Variants in ZNF503 observed in about 807,000 individuals in gnomAD.
The protein encoded by ZNF503 is zinc finger protein 503, also known as NocA-like zinc finger 2.
Under a neutral mutation model 34.4 loss-of-function variants are expected in ZNF503, and 15 were observed. The observed-to-expected ratio is 0.44, with a 90% confidence interval of 0.29 to 0.67. The LOEUF (loss-of-function observed/expected upper bound fraction) is 0.67. ZNF503 is among the 30% of genes least tolerant of loss of function. The pLI is 0.13. For missense variants in ZNF503, 1,007 were observed against 926.8 expected, an observed-to-expected ratio of 1.09 and a Z score of -1.12; for synonymous variants, 580 against 456.8, an observed-to-expected ratio of 1.27 and a Z score of -3.44.
At chr10:75,378,660 C>T in the ZNF503 span, among the ~76,000 whole-genome samples, 567 of 152,218 alleles carry the variant, frequency 3.7e-3, 4 homozygotes, top group African/African-American at 0.013. Flanking sequence ...GAATAGTGGA[C>T]ACTTTCTGGG....
chr10:75,282,336 CT>C, the ZNF503 span, among the ~76,000 whole-genome samples: 9 of 152,142 alleles, frequency 5.9e-5, no homozygotes, highest in East Asian at 1.5e-3. Context: ...CCTTTTATCC[CT>C]TTTTTTTAAA....
the ZNF503 span, among the ~76,000 whole-genome samples, chr10:75,313,278 C>A: frequency 5.8e-4 from 89 of 152,258 alleles, no homozygotes; most frequent in African/African-American, 2.0e-3. Flanking sequence ...CCAATGGACA[C>A]GTTCCAACAC....
At chr10:75,318,687 A>AT in the ZNF503 span, among the ~76,000 whole-genome samples, 9 of 145,012 alleles carry the variant, frequency 6.2e-5, no homozygotes, top group Admixed American at 2.1e-4. Context: ...AAAAAAAAAA[A>AT]GTAAGATAAT....
At chr10:75,393,467 A>C (rs1843664842), downstream of ZNF503, among the ~76,000 whole-genome samples, 1 of 152,194 alleles carries the variant, frequency 6.6e-6, no homozygotes, top group Non-Finnish European at 1.5e-5. Context: ...GTAGCGAGGA[A>C]ATAAGGTTGC....
chr10:75,369,882 C>G, the ZNF503 span, among the ~76,000 whole-genome samples: 1 of 151,964 alleles, frequency 6.6e-6, no homozygotes, highest in African/African-American at 2.4e-5. Flanking sequence ...GCCTGGCCAA[C>G]ATGGCGAAAC....
rs1228664722 is a variant in ZNF503 at position 75,399,894 on chromosome 10, C to T, written c.796G>A (p.Gly266Ser). ...KDTDVGGGGKGTGGASAEGGP... is the reference protein window; with the variant it reads ...KDTDVGGGGKSTGGASAEGGP... ...CCTTCGGCCGAGGCGCCCCCGGTGC[C>T]CTTGCCACCGCCGCCCACGTCGGTG... Residue 266 changes from glycine (G) to serine (S), a missense_variant, in exon 2 of 2, where the codon GGC becomes AGC. By Grantham distance (56) the Gly-to-Ser change is moderately conservative. Transcript: ENST00000372524. 1.2e-6 allele frequency: 2 copies of T among 1,602,668 alleles called. No individual in the cohort carries two copies. The highest frequency in any genetic ancestry group is 1.1e-5 in the South Asian group (1 of 89,798).
chr10:75,332,639 T>C, the ZNF503 span, among the ~76,000 whole-genome samples: 32 of 146,440 alleles, frequency 2.2e-4, 1 homozygote, highest in East Asian at 5.9e-3. Context: ...GCAGTGTTTG[T>C]GTCCCTGATT....
the ZNF503 span, among the ~76,000 whole-genome samples, chr10:75,385,625 G>A: frequency 1.8e-4 from 27 of 152,336 alleles, no homozygotes; most frequent in Admixed American, 1.2e-3. Context: ...TCCCAGGGGT[G>A]TGCATTTCCA....
the ZNF503 span, among the ~76,000 whole-genome samples, chr10:75,285,730 G>A: frequency 2.6e-5 from 4 of 152,300 alleles, no homozygotes; most frequent in East Asian, 5.8e-4. Flanking sequence ...CTGAAGAGCT[G>A]GTCATTAAGC....
chr10:75,320,015 A>G, the ZNF503 span, among the ~76,000 whole-genome samples: 14 of 152,350 alleles, frequency 9.2e-5, no homozygotes, highest in African/African-American at 3.4e-4. Flanking sequence ...ACTTTAAATA[A>G]CATTAATTCT....
the ZNF503 span, among the ~76,000 whole-genome samples, chr10:75,388,751 A>T: frequency 9.2e-5 from 14 of 152,164 alleles, no homozygotes; most frequent in Non-Finnish European, 1.8e-4. Flanking sequence ...AATGTTACTT[A>T]TTGCAGTTGA....
chr10:75,323,496 C>T, the ZNF503 span, among the ~76,000 whole-genome samples: 4 of 152,230 alleles, frequency 2.6e-5, no homozygotes, highest in South Asian at 6.2e-4. Flanking sequence ...AGGTTTCCAC[C>T]AGCAATATTT....
the ZNF503 span, among the ~76,000 whole-genome samples, chr10:75,355,819 T>C: frequency 8.3e-4 from 126 of 152,366 alleles, 1 homozygote; most frequent in African/African-American, 2.9e-3. Context: ...GGAAGCTTTG[T>C]CTCTGCTCCA....
the ZNF503 span, among the ~76,000 whole-genome samples, chr10:75,331,496 G>A: frequency 1.3e-5 from 2 of 152,124 alleles, no homozygotes; most frequent in South Asian, 2.1e-4. Context: ...GTCACCAAGT[G>A]GGAATGCAGT....
the ZNF503 span, among the ~76,000 whole-genome samples, chr10:75,306,578 C>T: frequency 6.6e-6 from 1 of 151,464 alleles, no homozygotes; most frequent in African/African-American, 2.4e-5. Context: ...ATAGGCATAC[C>T]TCATTTTATT....
At chr10:75,357,437 G>A in the ZNF503 span, among the ~76,000 whole-genome samples, 1 of 152,078 alleles carries the variant, frequency 6.6e-6, no homozygotes, top group African/African-American at 2.4e-5. Context: ...AGGATTGCTT[G>A]AGCCCAGGAG....
chr10:75,338,443 T>A, the ZNF503 span: 1 of 152,240 alleles, frequency 6.6e-6, no homozygotes, highest in East Asian at 1.9e-4. Flanking sequence ...AATATATTAT[T>A]TAAATGACAT....
chr10:75,400,393 G>C lies in ZNF503; in HGVS notation c.316-19C>G, dbSNP rs555011815. The C allele has an allele frequency of 3.3e-3, 5,146 of 1,562,618 alleles. 17 individuals are homozygous for C. The highest frequency in any genetic ancestry group is 3.6e-3 in the East Asian group (162 of 44,580). ...CATCGAGCTGCGGGGTCAGACGATG[G>C]GGGGGGAGCGTCACACAGAGAAAGA... On this transcript the variant is annotated intron_variant, in intron 1 of 1. Coordinates refer to ENST00000372524, the MANE Select transcript of ZNF503 (RefSeq NM_032772.6).
the ZNF503 span, among the ~76,000 whole-genome samples, chr10:75,326,004 A>AT: frequency 6.6e-6 from 1 of 152,172 alleles, no homozygotes; most frequent in Non-Finnish European, 1.5e-5. Context: ...GATTGAAGGC[A>AT]TGAGCCACTG....
Sources: gnomAD v4.1 joint callset for allele counts (sites outside exome capture counted in the v4.1 genomes callset) on GRCh38, gnomAD v4.1.1 for gene constraint, MANE v1.5 for transcripts, NCBI Gene and HGNC (gene_info 2026-07-23, HGNC 2026-07-21) for gene names.